Variants in CLPB observed in about 807,000 individuals in gnomAD.
CLPB encodes mitochondrial disaggregase.
CLPB carries 40 observed loss-of-function variants against 78.4 expected under a neutral mutation model. That is an observed-to-expected ratio of 0.51 (90% confidence interval 0.40 to 0.66). The LOEUF is 0.66. Among genes scored for constraint, CLPB ranks in the 30% least tolerant of loss-of-function variants. The pLI is 0.00. For missense variants in CLPB, 780 were observed against 886.9 expected, an observed-to-expected ratio of 0.88 and a Z score of 1.53; for synonymous variants, 333 against 348.0, an observed-to-expected ratio of 0.96 and a Z score of 0.48.
chr11:72,313,497 C>G (rs969662713), intron 7 of CLPB, among the ~76,000 whole-genome samples: 3 of 152,226 alleles, frequency 2.0e-5, no homozygotes, highest in African/African-American at 7.2e-5. Context: ...ACTTTTTATA[C>G]ACCTGTGTGC....
At chr11:72,413,628 A>C (rs1855940867) in intron 2 of CLPB, among the ~76,000 whole-genome samples, 1 of 152,226 alleles carries the variant, frequency 6.6e-6, no homozygotes, top group South Asian at 2.1e-4. Context: ...TATTCATTAT[A>C]GCAATCTCCC....
chr11:72,308,426 C>T (rs761078880), intron 8 of CLPB, 101 bp downstream of exon 8: 16 of 963,428 alleles, frequency 1.7e-5, no homozygotes, highest in Non-Finnish European at 2.7e-5. Flanking sequence ...TGACCTAGAG[C>T]TGGACCTGCT....
intron 6 of CLPB, among the ~76,000 whole-genome samples, chr11:72,324,687 A>G (rs1950101408): frequency 6.6e-6 from 1 of 152,262 alleles, no homozygotes; most frequent in African/African-American, 2.4e-5. Context: ...CCAAGTACAG[A>G]GCCAGGCACA....
intron 6 of CLPB, among the ~76,000 whole-genome samples, chr11:72,322,344 G>A (rs1003959918): frequency 6.6e-6 from 1 of 152,170 alleles, no homozygotes; most frequent in Non-Finnish European, 1.5e-5. Flanking sequence ...ACTGATGAGA[G>A]AAGGTTGAGG....
chr11:72,430,126 C>T (rs559322754), intron 2 of CLPB, among the ~76,000 whole-genome samples, 186 bp downstream of exon 2: 5 of 152,220 alleles, frequency 3.3e-5, no homozygotes, highest in South Asian at 2.1e-4. Flanking sequence ...GACTCCCTAC[C>T]GAAAATATCC....
At chr11:72,323,720 G>A (rs538180903) in intron 6 of CLPB, among the ~76,000 whole-genome samples, 3 of 152,218 alleles carry the variant, frequency 2.0e-5, no homozygotes, top group East Asian at 1.9e-4. Context: ...ACAACCGAAT[G>A]CAACTTGGAT....
At chr11:72,421,756 A>G (rs1267861706) in intron 2 of CLPB, among the ~76,000 whole-genome samples, 7 of 152,134 alleles carry the variant, frequency 4.6e-5, no homozygotes, top group Admixed American at 4.6e-4. Context: ...TCACCTACCC[A>G]TGAAGTTATA....
chr11:72,363,714 G>T (rs773051292), intron 4 of CLPB, among the ~76,000 whole-genome samples: 3 of 152,170 alleles, frequency 2.0e-5, no homozygotes, highest in Non-Finnish European at 2.9e-5. Context: ...TGCTCAACTT[G>T]CAATGCTGGT....
At chr11:72,422,760 C>A (rs1434993812) in intron 2 of CLPB, among the ~76,000 whole-genome samples, 1 of 152,190 alleles carries the variant, frequency 6.6e-6, no homozygotes, top group Non-Finnish European at 1.5e-5. Flanking sequence ...AACAGACAGC[C>A]TCTCTGAGGC....
chr11:72,307,294 G>C (rs755010171), intron 8 of CLPB, 40 bp from the exon 9 acceptor site: 1 of 1,534,596 alleles, frequency 6.5e-7, no homozygotes, highest in Non-Finnish European at 9.0e-7. Flanking sequence ...TTAGAACCAG[G>C]TGACTAACCG....
chr11:72,428,197 G>A (rs117068828), intron 2 of CLPB, among the ~76,000 whole-genome samples: 4,476 of 152,232 alleles, frequency 0.029, 109 homozygotes, highest in Non-Finnish European at 0.041. Flanking sequence ...TTTGGGTGAG[G>A]GGGAGGGAAG....
At position 72,304,928 on chromosome 11, in the gene CLPB, C is replaced by A. The variant is rs945140655; in HGVS notation, c.1122+2271G>T. ...TGGCTACGTAGCTTAAAGTCCAGGG[C>A]TCTCTTGGATTTTGAAGGCAGGTCT... On this transcript the variant is annotated intron_variant, in intron 9 of 15. Transcript: ENST00000538039. 3.9e-5 allele frequency among the ~76,000 whole-genome samples: 6 copies of A among 152,196 alleles called. No individual in the cohort carries two copies. The East Asian group carries it at 1.2e-3, about 29-fold the overall frequency.
At position 72,312,450 on chromosome 11, in the gene CLPB, G is replaced by T. The variant is rs897191114; in HGVS notation, c.989-3846C>A. On this transcript the variant is annotated intron_variant, in intron 7 of 15. Transcript: ENST00000538039. The surrounding 1 kb of genome is among the most constrained non-coding windows in gnomAD (Gnocchi z 4.2). ...TGCCCTTGTGTCTGGCAGGGAGGGT[G>T]TGCCCCCAATCTGACCATATTCCAT... Among the ~76,000 whole-genome samples the T allele has an allele frequency of 1.1e-4, 16 of 152,158 alleles. No homozygotes were observed. The highest frequency in any genetic ancestry group is 1.5e-4 in the Non-Finnish European group (10 of 68,012).
chr11:72,338,895 T>C (rs1232384896), intron 5 of CLPB, among the ~76,000 whole-genome samples: 1 of 152,196 alleles, frequency 6.6e-6, no homozygotes, highest in African/African-American at 2.4e-5. Flanking sequence ...GTGGACTTCA[T>C]GAGACATCTG....
chr11:72,374,321 T>C (rs947953562), intron 4 of CLPB, among the ~76,000 whole-genome samples: 3 of 152,204 alleles, frequency 2.0e-5, no homozygotes, highest in African/African-American at 4.8e-5. Context: ...GATGAGAAAA[T>C]TGAAATTCAG....
In CLPB at chr11:72,293,036, A is replaced by T. The variant is rs957094332; in HGVS notation, c.*331T>A. 2.5e-5 allele frequency: 6 copies of T among 236,042 alleles called. No homozygotes were observed. The highest frequency in any genetic ancestry group is 1.3e-4 in the African/African-American group (6 of 45,402). 14.6% of individuals were successfully genotyped at this position (236,042 alleles called of 1,614,324 possible). On this transcript the variant is annotated 3_prime_UTR_variant, in exon 16 of 16. Coordinates refer to ENST00000538039, the MANE Select transcript of CLPB (RefSeq NM_001258392.3). ...TACTTCTGAGCTTCCTGGGAACATG[A>T]GAAAGTCTGGCGACTATGGGGGATG... is the stretch of plus-strand genomic sequence containing the variant.
chr11:72,342,796 G>A (rs1030825997), intron 5 of CLPB, among the ~76,000 whole-genome samples: 1 of 152,228 alleles, frequency 6.6e-6, no homozygotes, highest in Non-Finnish European at 1.5e-5. Context: ...CTGGGGCACA[G>A]CCACAGTCTC....
chr11:72,426,424 G>A (rs1856375783), intron 2 of CLPB, among the ~76,000 whole-genome samples: 1 of 152,174 alleles, frequency 6.6e-6, no homozygotes, highest in Non-Finnish European at 1.5e-5. Context: ...AAGCCCAGGA[G>A]CAGGACCACC....
intron 4 of CLPB, among the ~76,000 whole-genome samples, chr11:72,375,017 CTCCTTT>C (rs1854641695): frequency 6.6e-6 from 1 of 152,152 alleles, no homozygotes; most frequent in South Asian, 2.1e-4. Flanking sequence ...CCATGCATAC[CTCCTTT>C]TCCATCAATT....
Sources: gnomAD v4.1 joint callset for allele counts (sites outside exome capture counted in the v4.1 genomes callset) on GRCh38, gnomAD v4.1.1 for gene constraint, Gnocchi (gnomAD v3.1) non-coding constraint, MANE v1.5 for transcripts, NCBI Gene and HGNC (gene_info 2026-07-23, HGNC 2026-07-21) for gene names.